The following PDXDC1 variants were observed in gnomAD, a reference collection of about 807,000 sequenced individuals.
PDXDC1 encodes pyridoxal-dependent decarboxylase domain-containing protein 1.
PDXDC1 carries 42 observed loss-of-function variants against 100.1 expected under a neutral mutation model. The ratio of observed to expected loss-of-function variants is 0.42; its 90% CI spans 0.33 to 0.54. The LOEUF (loss-of-function observed/expected upper bound fraction) is 0.54, where lower values mean the gene tolerates loss of function less well. Ranked by LOEUF, PDXDC1 falls within the 20% of genes least tolerant of loss-of-function variation. The pLI is 0.10. For synonymous variants in PDXDC1, 260 were observed against 371.7 expected, an observed-to-expected ratio of 0.70 and a Z score of 3.46; for missense variants, 636 against 979.2, an observed-to-expected ratio of 0.65 and a Z score of 4.68.
At chr16:15,082,330 T>G (rs971969775) in intron 16 of PDXDC1, among the ~76,000 whole-genome samples, 4 of 152,168 alleles carry the variant, frequency 2.6e-5, no homozygotes, top group Admixed American at 6.6e-5. Flanking sequence ...GTGGTTTTTG[T>G]CCTTTGTTCT....
At chr16:14,989,887 G>C in intron 1 of PDXDC1, 1 of 1,547,842 alleles carries the variant, frequency 6.5e-7, no homozygotes. Flanking sequence ...TTGGCCACCA[G>C]GGCCGGCACT....
chr16:15,131,458 C>T (rs1281555534), intron 16 of PDXDC1: 12 of 1,607,874 alleles, frequency 7.5e-6, no homozygotes, highest in Admixed American at 3.3e-5. Flanking sequence ...GGAGAAGTGG[C>T]AGCCAGGCCC....
chr16:14,990,984 C>A (rs1597340191), intron 1 of PDXDC1, among the ~76,000 whole-genome samples: 2 of 152,248 alleles, frequency 1.3e-5, no homozygotes, highest in Non-Finnish European at 2.9e-5. Flanking sequence ...TCAGGTGATC[C>A]GTCAACCTCG....
intron 16 of PDXDC1, chr16:15,059,979 T>C (rs1467332880): frequency 5.6e-6 from 1 of 178,938 alleles, no homozygotes; most frequent in Non-Finnish European, 1.2e-5. Flanking sequence ...CACTGCAAAA[T>C]GCTTTAATAC....
At chr16:15,096,442 T>C (rs1183497887) in intron 16 of PDXDC1, among the ~76,000 whole-genome samples, 1 of 152,184 alleles carries the variant, frequency 6.6e-6, no homozygotes, top group African/African-American at 2.4e-5. Context: ...TAGCTCTGTT[T>C]TGCAACAGTG....
intron 1 of PDXDC1, among the ~76,000 whole-genome samples, chr16:14,991,792 G>A (rs1325167528): frequency 1.1e-4 from 17 of 152,212 alleles, no homozygotes; most frequent in African/African-American, 4.1e-4. Context: ...AAAAGTGCTG[G>A]GATTACAGGC....
At chr16:15,029,171 T>C (rs2042866853) in intron 15 of PDXDC1, 1 of 652,970 alleles carries the variant, frequency 1.5e-6, no homozygotes, top group Non-Finnish European at 2.7e-6. Context: ...CCTTCTGGCA[T>C]TGCTCCCTCA....
At chr16:15,011,354 A>C (rs1365497067) in intron 8 of PDXDC1, among the ~76,000 whole-genome samples, 5 of 152,294 alleles carry the variant, frequency 3.3e-5, no homozygotes, top group Non-Finnish European at 7.3e-5. Context: ...ATCCATATGG[A>C]AAAAAACTGA....
At chr16:15,083,930 G>A (rs2045807832) in intron 16 of PDXDC1, among the ~76,000 whole-genome samples, 1 of 152,200 alleles carries the variant, frequency 6.6e-6, no homozygotes. Context: ...TGGTCAGGCT[G>A]GTCTCGAACT....
chr16:14,999,727 T>G (rs1028763292), intron 3 of PDXDC1, among the ~76,000 whole-genome samples: 19 of 152,280 alleles, frequency 1.2e-4, no homozygotes, highest in Admixed American at 1.0e-3. Context: ...TTTTGGCAAC[T>G]GAAGCAAATC....
chr16:15,141,644 C>T (rs113767719), downstream of PDXDC1, among the ~76,000 whole-genome samples: 1,305 of 152,118 alleles, frequency 8.6e-3, 5 homozygotes, highest in Middle Eastern at 0.037. Flanking sequence ...GCTTCTCTGC[C>T]GTCCCCTCCT....
chr16:15,086,339 T>G (rs527384490), intron 16 of PDXDC1: 80 of 1,613,016 alleles, frequency 5.0e-5, no homozygotes, highest in East Asian at 2.0e-4. Context: ...TTACATACTT[T>G]ACAGTAAAAT....
At chr16:15,052,457 T>A (rs1231936653) in intron 16 of PDXDC1, among the ~76,000 whole-genome samples, 1 of 152,200 alleles carries the variant, frequency 6.6e-6, no homozygotes, top group African/African-American at 2.4e-5. Flanking sequence ...CCCTCACCCC[T>A]GCTGTCCTGT....
chr16:15,122,823 G>GGGGAAGGGGAGGGGAA (rs2047492743), intron 16 of PDXDC1, among the ~76,000 whole-genome samples: 1 of 36,948 alleles, frequency 2.7e-5, no homozygotes, highest in Non-Finnish European at 7.2e-5. Flanking sequence ...GAGTTGGGGA[G>GGGGAAGGGGAGGGGAA]GGGGAGGGGA....
intron 15 of PDXDC1, 42 bp downstream of exon 15, chr16:15,029,008 CCAT>C (rs1169562789): frequency 1.3e-6 from 2 of 1,591,110 alleles, no homozygotes; most frequent in South Asian, 2.2e-5. Flanking sequence ...AGGTCCCCGT[CCAT>C]CACCATCCGA....
intron 1 of PDXDC1, among the ~76,000 whole-genome samples, chr16:14,985,281 C>CTTTTTTTTTTTT (rs769346480): frequency 3.5e-5 from 4 of 114,508 alleles, no homozygotes; most frequent in African/African-American, 6.4e-5. Flanking sequence ...TGATAAACAA[C>CTTTTTTTTTTTT]TTTTTTTTTT....
At chr16:15,034,789 G>A (rs575228647) in intron 21 of PDXDC1, among the ~76,000 whole-genome samples, 3 of 152,290 alleles carry the variant, frequency 2.0e-5, no homozygotes, top group Admixed American at 1.3e-4. Flanking sequence ...TGTCACCACC[G>A]CAAGGCCATG....
intron 16 of PDXDC1, among the ~76,000 whole-genome samples, chr16:15,136,328 C>T (rs1029533359): frequency 6.6e-5 from 10 of 152,192 alleles, no homozygotes; most frequent in Non-Finnish European, 1.5e-4. Flanking sequence ...CGGCAGGGAT[C>T]CCCGCGCAGG....
At chr16:15,131,628 C>G in intron 16 of PDXDC1, 5 of 1,598,322 alleles carry the variant, frequency 3.1e-6, no homozygotes, top group Non-Finnish European at 3.4e-6. Flanking sequence ...GGGACGCCAC[C>G]ATCCGCGATG....
Sources: gnomAD v4.1 joint callset for allele counts (sites outside exome capture counted in the v4.1 genomes callset) on GRCh38, gnomAD v4.1.1 for gene constraint, MANE v1.5 for transcripts, NCBI Gene and HGNC (gene_info 2026-07-23, HGNC 2026-07-21) for gene names.